The following TSHR variants were observed in gnomAD, a reference collection of about 807,000 sequenced individuals.
TSHR encodes thyroid stimulating hormone receptor, also known as thyrotropin receptor.
In TSHR, 51 loss-of-function variants were observed where a neutral mutation model predicts 64.1. That is an observed-to-expected ratio of 0.80 (90% CI 0.64 to 1.01). TSHR has a LOEUF of 1.01. TSHR is among the 50% of genes least tolerant of loss of function. The probability of loss-of-function intolerance (pLI) is 0.00; values close to 1 mark genes in which losing one functional copy is unlikely to be tolerated. For missense variants in TSHR, 877 were observed against 942.8 expected, an observed-to-expected ratio of 0.93 and a Z score of 0.91; for synonymous variants, 361 against 361.9, an observed-to-expected ratio of 1.00 and a Z score of 0.03.
intron 1 of TSHR, among the ~76,000 whole-genome samples, chr14:80,991,174 A>G (rs1888708493): frequency 6.6e-6 from 1 of 152,232 alleles, no homozygotes; most frequent in Non-Finnish European, 1.5e-5. Context: ...ATTACTCAAG[A>G]TAGTGCAAAA....
chr14:81,115,831 CT>C (rs1226740035), intron 8 of TSHR, among the ~76,000 whole-genome samples: 2 of 152,080 alleles, frequency 1.3e-5, no homozygotes, highest in Non-Finnish European at 2.9e-5. Context: ...CAGTGGATCT[CT>C]CGGCAGAAAC....
At chr14:80,999,107 TTA>T (rs1889174512) in intron 1 of TSHR, among the ~76,000 whole-genome samples, 1 of 152,222 alleles carries the variant, frequency 6.6e-6, no homozygotes, top group South Asian at 2.1e-4. Flanking sequence ...TTACAGAGTT[TTA>T]GAGACTTGGA....
intron 4 of TSHR, among the ~76,000 whole-genome samples, chr14:81,088,973 CTAAAAA>C (rs1487544136): frequency 1.4e-5 from 2 of 139,458 alleles, no homozygotes; most frequent in African/African-American, 5.3e-5. Flanking sequence ...CTTTGGGGAA[CTAAAAA>C]TAGTTGCTTT....
At chr14:81,112,254 A>G (rs543488562) in intron 8 of TSHR, among the ~76,000 whole-genome samples, 6 of 152,314 alleles carry the variant, frequency 3.9e-5, no homozygotes, top group Non-Finnish European at 7.4e-5. Context: ...GGAACTAAAT[A>G]TATCCTCAAT....
At chr14:80,968,197 G>C (rs187825085) in intron 1 of TSHR, among the ~76,000 whole-genome samples, 1 of 152,278 alleles carries the variant, frequency 6.6e-6, no homozygotes, top group East Asian at 1.9e-4. Context: ...AGCTCATACA[G>C]AACTGGTAGC....
At chr14:81,116,677 G>A (rs999105365) in intron 8 of TSHR, among the ~76,000 whole-genome samples, 11 of 145,782 alleles carry the variant, frequency 7.5e-5, no homozygotes, top group Admixed American at 1.3e-4. Flanking sequence ...TGCACCAAGC[G>A]GACCTAATAG....
intron 3 of TSHR, among the ~76,000 whole-genome samples, chr14:81,078,088 G>A (rs1887629369): frequency 6.6e-6 from 1 of 151,024 alleles, no homozygotes. Flanking sequence ...TACATAATTT[G>A]AGTAAAGAAA....
chr14:80,983,440 T>C, intron 1 of TSHR: 2 of 1,287,906 alleles, frequency 1.6e-6, no homozygotes, highest in Non-Finnish European at 2.2e-6. Context: ...AGAGACATGA[T>C]CAATATGAAG....
Position 81,072,854 on chromosome 14 carries a change from G to A in TSHR, c.317+4526G>A, listed in dbSNP as rs539035235. ...CTACTAAAAATACAAAAAATTAGCC[G>A]GGCGTAGTGGCGGGCGCCTGTAGTC... On this transcript the variant is annotated intron_variant, in intron 3 of 9. Coordinates refer to ENST00000298171, the MANE Select transcript of TSHR (RefSeq NM_000369.5). Among the ~76,000 whole-genome samples, 347 of 138,168 alleles carry A rather than the reference G, an allele frequency of 2.5e-3. 4 individuals carry two copies. Among genetic ancestry groups the A allele is most frequent in the Non-Finnish European group, 3.6e-3 (239 of 66,452 alleles). 90.6% of individuals were successfully genotyped at this position (138,168 alleles called of 152,430 possible). A position where few individuals can be genotyped will look rare whatever the true frequency, so the allele number is the denominator to read the frequency against.
chr14:81,021,509 G>T (rs1192253646), intron 1 of TSHR, among the ~76,000 whole-genome samples: 1 of 152,218 alleles, frequency 6.6e-6, no homozygotes, highest in Non-Finnish European at 1.5e-5. Context: ...AGAAAGAGAA[G>T]AGAGGACAGT....
At chr14:81,124,713 T>A (rs1164918570) in intron 8 of TSHR, among the ~76,000 whole-genome samples, 1 of 152,158 alleles carries the variant, frequency 6.6e-6, no homozygotes, top group Non-Finnish European at 1.5e-5. Context: ...AATTGTCATT[T>A]TTTTTTATTC....
intron 1 of TSHR, among the ~76,000 whole-genome samples, chr14:81,032,279 T>A (rs1027735929): frequency 6.6e-6 from 1 of 151,904 alleles, no homozygotes; most frequent in African/African-American, 2.4e-5. Context: ...GCCAAGAGGG[T>A]CTTTGAGGAA....
At chr14:81,027,965 G>T (rs980369043) in intron 1 of TSHR, among the ~76,000 whole-genome samples, 1 of 152,058 alleles carries the variant, frequency 6.6e-6, no homozygotes, top group Non-Finnish European at 1.5e-5. Flanking sequence ...GCTGATCTAA[G>T]ATTAAGCACA....
intron 1 of TSHR, among the ~76,000 whole-genome samples, chr14:81,010,499 A>T (rs936197308): frequency 2.6e-5 from 4 of 151,570 alleles, no homozygotes; most frequent in Non-Finnish European, 4.4e-5. Flanking sequence ...TTTTTTAATG[A>T]GCTTTTTAAA....
intron 4 of TSHR, among the ~76,000 whole-genome samples, chr14:81,088,482 C>T (rs1212830280): frequency 6.6e-6 from 1 of 152,178 alleles, no homozygotes; most frequent in Non-Finnish European, 1.5e-5. Flanking sequence ...CACTCCAGCA[C>T]TCAAATGTCC....
At chr14:81,118,694 A>C (rs1053462266) in intron 8 of TSHR, among the ~76,000 whole-genome samples, 1 of 152,204 alleles carries the variant, frequency 6.6e-6, no homozygotes, top group Non-Finnish European at 1.5e-5. Context: ...GTTCATATGG[A>C]ACCAAAAAAG....
At chr14:80,990,182 G>A (rs993806313) in intron 1 of TSHR, among the ~76,000 whole-genome samples, 1 of 152,208 alleles carries the variant, frequency 6.6e-6, no homozygotes, top group Admixed American at 6.5e-5. Context: ...TGAGAGTAAG[G>A]AGAAAGAAAA....
At chr14:81,081,458 C>T (rs1193132808) in intron 3 of TSHR, among the ~76,000 whole-genome samples, 1 of 152,092 alleles carries the variant, frequency 6.6e-6, no homozygotes, top group Non-Finnish European at 1.5e-5. Context: ...GGCACACCAC[C>T]CTCCAGGAGG....
chr14:81,052,873 T>C (rs141339226), intron 1 of TSHR: 22 of 152,228 alleles, frequency 1.4e-4, no homozygotes, highest in African/African-American at 5.3e-4. Flanking sequence ...TTAAATTTTG[T>C]ATGTTGATTT....
Sources: allele counts gnomAD v4.1 joint callset (sites outside exome capture counted in the v4.1 genomes callset), GRCh38; gene constraint gnomAD v4.1.1; transcripts MANE v1.5; gene names NCBI Gene and HGNC (gene_info 2026-07-23, HGNC 2026-07-21).